The following SH3PXD2B variants were observed in gnomAD, a reference collection of about 807,000 sequenced individuals.
SH3PXD2B encodes SH3 and PX domains 2B, also known as SH3 and PX domain-containing protein 2B.
A neutral mutation model predicts 73.1 loss-of-function variants in SH3PXD2B; 37 were observed. That is an observed-to-expected ratio of 0.51 (90% CI 0.39 to 0.67). The LOEUF (loss-of-function observed/expected upper bound fraction) is 0.67, where lower values mean the gene tolerates loss of function less well. Ranked by LOEUF, SH3PXD2B falls within the 30% of genes least tolerant of loss-of-function variation. The pLI is 0.00. For missense variants in SH3PXD2B, 1,053 were observed against 1,197.8 expected, an observed-to-expected ratio of 0.88 and a Z score of 1.78; for synonymous variants, 457 against 480.5, an observed-to-expected ratio of 0.95 and a Z score of 0.64.
chr5:172,406,857 C>T (rs11954203), intron 2 of SH3PXD2B, among the ~76,000 whole-genome samples: 9,104 of 151,892 alleles, frequency 0.06, 841 homozygotes, highest in African/African-American at 0.2. Flanking sequence ...CAGGAGACAG[C>T]GAGGAAAAGA....
intron 5 of SH3PXD2B, among the ~76,000 whole-genome samples, chr5:172,378,199 C>G (rs371489231): frequency 6.6e-6 from 1 of 152,228 alleles, no homozygotes; most frequent in African/African-American, 2.4e-5. Context: ...AGCAGCTGCC[C>G]CTGGCCTGGC....
chr5:172,454,474 G>A lies in SH3PXD2B; in HGVS notation c.-122C>T, dbSNP rs1208540335. The stretch of plus-strand genomic sequence containing the variant: ...GCTGAGCGCAATCGCAGCCGGGGCC[G>A]AGCACGAGCCGCCGCCGCCACCGCC... On this transcript the variant is annotated 5_prime_UTR_variant, in exon 1 of 13. Coordinates refer to ENST00000311601, the MANE Select transcript of SH3PXD2B (RefSeq NM_001017995.3). The A allele has an allele frequency of 2.6e-6, 1 of 391,790 alleles. No individual in the cohort carries two copies. The highest frequency in any genetic ancestry group is 3.6e-6 in the Non-Finnish European group (1 of 277,956). The allele number at this position is 391,790 out of a possible 1,614,324, so 24.3% of individuals were successfully genotyped here.
chr5:172,374,140 C>T (rs1757771746), intron 5 of SH3PXD2B, among the ~76,000 whole-genome samples: 2 of 152,306 alleles, frequency 1.3e-5, no homozygotes, highest in East Asian at 1.9e-4. Context: ...GAGCCTGATG[C>T]CTACCTCATC....
rs1050045556 is a variant in SH3PXD2B, at chr5:172,445,816, C to G, written c.75+8462G>C. On this transcript the variant is annotated intron_variant, in intron 1 of 12. Transcript: ENST00000311601. This position sits in a 1 kb window ranked among gnomAD's most constrained non-coding sequence, Gnocchi z 5.2. ...CCTCCCTTTACCACCTGAAGAAGAC[C>G]CTGGGCTGAGAGTCATGCCCGCCTG... 6.6e-6 allele frequency among the ~76,000 whole-genome samples: 1 copy of G among 152,204 alleles called. No homozygotes were observed. The highest frequency in any genetic ancestry group is 2.4e-5 in the African/African-American group (1 of 41,438).
rs1756816915 is a variant in SH3PXD2B, at chr5:172,339,970, G to A, written c.1189-54C>T. 1 of 1,606,726 alleles carries A rather than the reference G, an allele frequency of 6.2e-7. No individual in the cohort carries two copies. Among genetic ancestry groups the A allele is most frequent in the Non-Finnish European group, 8.5e-7 (1 of 1,176,584 alleles). On this transcript the variant is annotated intron_variant, in intron 12 of 12. Coordinates refer to ENST00000311601, the MANE Select transcript of SH3PXD2B (RefSeq NM_001017995.3). This position sits in a 1 kb window ranked among gnomAD's most constrained non-coding sequence, Gnocchi z 6.1. ...GGCTACGATGCCAGGGCCAGCAGAT[G>A]GAATGGTTTGGCAGAACCCATGTGC...
intron 10 of SH3PXD2B, 143 bp from the exon 11 acceptor site, chr5:172,347,475 G>A (rs969119120): frequency 1.3e-5 from 11 of 818,644 alleles, no homozygotes; most frequent in East Asian, 2.7e-5. Context: ...AGAACAGCCT[G>A]GGCAGGAAGG....
chr5:172,351,115 A>G lies in SH3PXD2B; in HGVS notation c.786-526T>C, dbSNP rs570328720. 1.2e-4 allele frequency among the ~76,000 whole-genome samples: 18 copies of G among 152,324 alleles called. No homozygotes were observed. In the South Asian group the frequency reaches 3.5e-3, roughly 30 times the overall value. On this transcript the variant is annotated intron_variant, in intron 9 of 12. Transcript: ENST00000311601. ...AAAAGGGACTTCAATGAGTGTCATC[A>G]TCTCTTAATCCTCTGCAGGAGACAT...
At position 172,448,941 on chromosome 5, in the gene SH3PXD2B, G is replaced by A. The variant is rs149387955; in HGVS notation, c.75+5337C>T. On this transcript the variant is annotated intron_variant, in intron 1 of 12. Coordinates refer to ENST00000311601, the MANE Select transcript of SH3PXD2B (RefSeq NM_001017995.3). Reference sequence around the variant, plus strand: ...GAAGATAATGAAGCTAATTTGGGCAGCAGATCCATGGTTTGTTCTAGACCA... The same window carrying A: ...GAAGATAATGAAGCTAATTTGGGCAACAGATCCATGGTTTGTTCTAGACCA... 5.2e-3 allele frequency among the ~76,000 whole-genome samples: 787 copies of A among 152,356 alleles called. 12 individuals are homozygous for A. The highest frequency in any genetic ancestry group is 0.018 in the African/African-American group (756 of 41,586).
chr5:172,396,025 A>G (rs1472053162), intron 3 of SH3PXD2B, among the ~76,000 whole-genome samples: 1 of 151,988 alleles, frequency 6.6e-6, no homozygotes, highest in African/African-American at 2.4e-5. Flanking sequence ...TCCACAGATC[A>G]AGCTCGGGCA....
chr5:172,341,796 G>A lies in SH3PXD2B; in HGVS notation c.1189-1880C>T, dbSNP rs1051380212. Among the ~76,000 whole-genome samples, 271 of 151,944 alleles carry A rather than the reference G, an allele frequency of 1.8e-3. 1 individual carries two copies. Among genetic ancestry groups the A allele is most frequent in the Middle Eastern group, 3.4e-3 (1 of 294 alleles). ...CTCCCAAGTAGCTGGGACTACAGGC[G>A]CCTGCCACCGTGCCCGGCTAATTTT... On this transcript the variant is annotated intron_variant, in intron 12 of 12. Coordinates refer to ENST00000311601, the MANE Select transcript of SH3PXD2B (RefSeq NM_001017995.3).
intron 6 of SH3PXD2B, among the ~76,000 whole-genome samples, chr5:172,369,216 T>C (rs1405482536): frequency 6.7e-6 from 1 of 148,998 alleles, no homozygotes; most frequent in African/African-American, 2.5e-5. Context: ...TGTATTTTTT[T>C]TGTTTTGTTT....
At chr5:172,363,684 T>C (rs1266815587) in intron 6 of SH3PXD2B, among the ~76,000 whole-genome samples, 1 of 151,942 alleles carries the variant, frequency 6.6e-6, no homozygotes, top group African/African-American at 2.4e-5. Flanking sequence ...GGGAAAGGAC[T>C]TGGGGTCTTC....
chr5:172,409,821 T>G (rs183869072), intron 2 of SH3PXD2B, among the ~76,000 whole-genome samples: 9 of 152,334 alleles, frequency 5.9e-5, no homozygotes, highest in African/African-American at 2.2e-4. Flanking sequence ...GTTCAAGCGA[T>G]TCTCCTGCCT....
intron 1 of SH3PXD2B, among the ~76,000 whole-genome samples, chr5:172,438,387 C>T (rs1162411224): frequency 6.6e-6 from 1 of 152,152 alleles, no homozygotes; most frequent in African/African-American, 2.4e-5. Flanking sequence ...GGGGCAGGGC[C>T]GGGTTTGTCT....
At chr5:172,431,352 G>A (rs997335359) in intron 1 of SH3PXD2B, among the ~76,000 whole-genome samples, 1 of 152,280 alleles carries the variant, frequency 6.6e-6, no homozygotes, top group Non-Finnish European at 1.5e-5. Flanking sequence ...GGTCTGCAGA[G>A]AGGATAAGTG....
intron 2 of SH3PXD2B, among the ~76,000 whole-genome samples, chr5:172,417,806 C>T (rs1477656880): frequency 6.6e-6 from 1 of 152,214 alleles, no homozygotes; most frequent in Non-Finnish European, 1.5e-5. Context: ...ATATACTTCA[C>T]ATACCATAAA....
intron 5 of SH3PXD2B, among the ~76,000 whole-genome samples, chr5:172,378,903 T>C (rs996179818): frequency 1.3e-5 from 2 of 151,694 alleles, no homozygotes; most frequent in African/African-American, 4.8e-5. Context: ...ACCCCGTCTC[T>C]ACTAAAAATA....
chr5:172,444,855 C>T (rs937383733), intron 1 of SH3PXD2B, among the ~76,000 whole-genome samples: 1 of 152,132 alleles, frequency 6.6e-6, no homozygotes, highest in Non-Finnish European at 1.5e-5. Flanking sequence ...CCTCAGCCTT[C>T]GTGTGCTGTA....
intron 8 of SH3PXD2B, among the ~76,000 whole-genome samples, chr5:172,358,288 A>G (rs17702964): frequency 0.042 from 6,359 of 152,306 alleles, 211 homozygotes; most frequent in South Asian, 0.2. Flanking sequence ...CAGGACATGC[A>G]TAGGGAAGGT....
Sources: gnomAD v4.1 joint callset for allele counts (sites outside exome capture counted in the v4.1 genomes callset) on GRCh38, gnomAD v4.1.1 for gene constraint, Gnocchi (gnomAD v3.1) non-coding constraint, MANE v1.5 for transcripts, NCBI Gene and HGNC (gene_info 2026-07-23, HGNC 2026-07-21) for gene names.